The following ITFG1 variants were observed in gnomAD, a reference collection of about 807,000 sequenced individuals.
ITFG1 encodes the protein integrin alpha FG-GAP repeat containing 1, also known as T-cell immunomodulatory protein.
Under a neutral mutation model 81.8 loss-of-function variants are expected in ITFG1, and 34 were observed. The ratio of observed to expected loss-of-function variants is 0.42; its 90% CI spans 0.32 to 0.55. The LOEUF (loss-of-function observed/expected upper bound fraction) is 0.55. ITFG1 is among the 20% of genes least tolerant of loss of function. The pLI is 0.17. For synonymous variants in ITFG1, 285 were observed against 270.6 expected (o/e 1.05, Z -0.52); for missense variants, 672 against 755.4 (o/e 0.89, Z 1.29).
intron 5 of ITFG1, among the ~76,000 whole-genome samples, chr16:47,443,977 C>G (rs962313319): frequency 6.6e-6 from 1 of 152,082 alleles, no homozygotes; most frequent in Non-Finnish European, 1.5e-5. Flanking sequence ...ATTCAATTTA[C>G]AGAAAATATC....
At chr16:47,322,722 G>A (rs968395923) in intron 8 of ITFG1, among the ~76,000 whole-genome samples, 1 of 151,994 alleles carries the variant, frequency 6.6e-6, no homozygotes, top group African/African-American at 2.4e-5. Context: ...AATACACTGT[G>A]GAATAGCTAA....
At chr16:47,344,382 T>A (rs1967823564) in intron 8 of ITFG1, among the ~76,000 whole-genome samples, 1 of 152,256 alleles carries the variant, frequency 6.6e-6, no homozygotes, top group South Asian at 2.1e-4. Context: ...TCTGGGTTAA[T>A]GGAAGTATTC....
chr16:47,394,361 C>T (rs1213602280), intron 6 of ITFG1, among the ~76,000 whole-genome samples: 1 of 152,066 alleles, frequency 6.6e-6, no homozygotes, highest in African/African-American at 2.4e-5. Context: ...CAAAAAGTAC[C>T]CTCAACCTTA....
intron 13 of ITFG1, among the ~76,000 whole-genome samples, chr16:47,223,765 T>C (rs1399988105): frequency 6.6e-6 from 1 of 152,118 alleles, no homozygotes; most frequent in African/African-American, 2.4e-5. Flanking sequence ...CACGTGCACA[T>C]GTATGTTTAT....
chr16:47,381,672 A>T (rs1317145610), intron 6 of ITFG1, among the ~76,000 whole-genome samples: 1 of 152,170 alleles, frequency 6.6e-6, no homozygotes, highest in African/African-American at 2.4e-5. Context: ...TATTAGTGGA[A>T]GGGCAGCATA....
Position 47,156,106 on chromosome 16 carries a change from C to T in ITFG1, c.1780-328G>A, listed in dbSNP as rs114708648. ...TTCTATAAGGATGAATCAATGATTG[C>T]ATTTTTCTGTCATTTTTAACAATGA... On this transcript the variant is annotated intron_variant, in intron 17 of 17. Coordinates refer to ENST00000320640, the MANE Select transcript of ITFG1 (RefSeq NM_030790.5). Among the ~76,000 whole-genome samples, 1,056 of 152,236 alleles carry T rather than the reference C, an allele frequency of 6.9e-3. 15 individuals are homozygous for T. Among genetic ancestry groups the T allele is most frequent in the African/African-American group, 0.024 (1,017 of 41,542 alleles).
intron 5 of ITFG1, among the ~76,000 whole-genome samples, chr16:47,442,259 T>G (rs1410343487): frequency 3.3e-5 from 5 of 152,280 alleles, no homozygotes; most frequent in African/African-American, 9.6e-5. Flanking sequence ...TACTGTCCAA[T>G]GTAATTTATA....
At chr16:47,184,568 A>G (rs1965183640) in intron 14 of ITFG1, among the ~76,000 whole-genome samples, 1 of 152,090 alleles carries the variant, frequency 6.6e-6, no homozygotes, top group African/African-American at 2.4e-5. Flanking sequence ...CTTTCCAGAC[A>G]AGCAAATGCT....
chr16:47,319,851 G>A (rs1201714856), intron 8 of ITFG1, among the ~76,000 whole-genome samples: 1 of 152,182 alleles, frequency 6.6e-6, no homozygotes, highest in Non-Finnish European at 1.5e-5. Context: ...TAGTATTAGT[G>A]TAAAAACAAT....
intron 6 of ITFG1, among the ~76,000 whole-genome samples, chr16:47,404,955 A>G (rs1425010314): frequency 4.6e-5 from 7 of 150,768 alleles, no homozygotes; most frequent in Non-Finnish European, 8.9e-5. Context: ...TTTTTTTCCC[A>G]TTTTTTTCTA....
At chr16:47,165,984 C>T (rs958342673) in intron 14 of ITFG1, among the ~76,000 whole-genome samples, 7 of 152,142 alleles carry the variant, frequency 4.6e-5, no homozygotes, top group Admixed American at 2.6e-4. Context: ...CAAAAGTTAA[C>T]CTGAAAAAGT....
At chr16:47,327,271 T>A (rs540030105) in intron 8 of ITFG1, among the ~76,000 whole-genome samples, 2 of 152,296 alleles carry the variant, frequency 1.3e-5, no homozygotes, top group South Asian at 4.1e-4. Flanking sequence ...TGGCTAGCCA[T>A]ATATAGAAAG....
intron 8 of ITFG1, among the ~76,000 whole-genome samples, chr16:47,355,604 A>G (rs1253988833): frequency 6.6e-6 from 1 of 152,206 alleles, no homozygotes; most frequent in African/African-American, 2.4e-5. Context: ...ACGTTACACA[A>G]TGTATACATG....
In ITFG1 at chr16:47,434,953, C is replaced by T. The variant is rs141422503; in HGVS notation, c.561-6055G>A. On this transcript the variant is annotated intron_variant, in intron 5 of 17. Transcript: ENST00000320640. ...GAAAACCAAACATTACATGTTCTCA[C>T]TTATAAGTCGGAGCTGAATGATGAG... is the stretch of plus-strand genomic sequence containing the variant. Among the ~76,000 whole-genome samples the T allele has an allele frequency of 7.1e-3, 1,078 of 152,292 alleles. 17 individuals carry two copies. Among genetic ancestry groups the T allele is most frequent in the African/African-American group, 0.025 (1,033 of 41,548 alleles).
At chr16:47,406,363 G>A (rs1235317577) in intron 6 of ITFG1, among the ~76,000 whole-genome samples, 1 of 152,102 alleles carries the variant, frequency 6.6e-6, no homozygotes, top group Non-Finnish European at 1.5e-5. Context: ...AATCTTCTGG[G>A]GTTTTTAAAA....
Position 47,227,410 on chromosome 16 carries a change from A to C in ITFG1, c.1375-8464T>G, listed in dbSNP as rs562046829. On this transcript the variant is annotated intron_variant, in intron 13 of 17. Coordinates refer to ENST00000320640, the MANE Select transcript of ITFG1 (RefSeq NM_030790.5). The stretch of plus-strand genomic sequence containing the variant: ...GAATTCAGGGAAGTTAAATTTAGAC[A>C]TATTAGTGATGGTTCAATTTTTCAT... Among the ~76,000 whole-genome samples, 3 of 152,292 alleles carry C rather than the reference A, an allele frequency of 2.0e-5. No individual in the cohort carries two copies. The South Asian group carries it at 6.2e-4, about 32-fold the overall frequency.
chr16:47,353,741 CATA>C (rs1030292722), intron 8 of ITFG1, among the ~76,000 whole-genome samples: 2 of 151,680 alleles, frequency 1.3e-5, no homozygotes, highest in Non-Finnish European at 2.9e-5. Flanking sequence ...CATTTCTATA[CATA>C]ATAATAAACT....
intron 8 of ITFG1, among the ~76,000 whole-genome samples, chr16:47,352,379 C>A (rs1016970419): frequency 1.5e-4 from 23 of 152,048 alleles, no homozygotes; most frequent in Non-Finnish European, 2.2e-4. Context: ...ACAAACAACC[C>A]CATCAAAAAG....
At chr16:47,245,223 CCTGTAAT>C (rs1473386078) in intron 12 of ITFG1, among the ~76,000 whole-genome samples, 7 of 151,980 alleles carry the variant, frequency 4.6e-5, no homozygotes, top group Non-Finnish European at 1.5e-5. Flanking sequence ...GTGGTGTGTG[CCTGTAAT>C]ACCAGCTACT....
Sources: gnomAD v4.1 joint callset for allele counts (sites outside exome capture counted in the v4.1 genomes callset) on GRCh38, gnomAD v4.1.1 for gene constraint, MANE v1.5 for transcripts, NCBI Gene and HGNC (gene_info 2026-07-23, HGNC 2026-07-21) for gene names.